Variants in DPP4 observed in about 807,000 individuals in gnomAD.
DPP4 encodes ADCP-2.
In DPP4, 93 loss-of-function variants were observed where a neutral mutation model predicts 122.4. The observed-to-expected ratio is 0.76, with a 90% confidence interval of 0.64 to 0.90. DPP4 has a LOEUF of 0.90. Ranked by LOEUF, DPP4 falls within the 40% of genes least tolerant of loss-of-function variation. DPP4 has a pLI of 0.00. For synonymous variants in DPP4, 321 were observed against 302.9 expected (o/e 1.06, Z -0.62); for missense variants, 914 against 907.3 (o/e 1.01, Z -0.09).
At chr2:162,041,995 G>A (rs919483084) in intron 5 of DPP4, among the ~76,000 whole-genome samples, 1 of 152,176 alleles carries the variant, frequency 6.6e-6, no homozygotes, top group Non-Finnish European at 1.5e-5. Flanking sequence ...GGGAGGCAGA[G>A]AGGATTATGG....
At chr2:162,068,662 A>G (rs1685023782) in intron 2 of DPP4, among the ~76,000 whole-genome samples, 1 of 152,200 alleles carries the variant, frequency 6.6e-6, no homozygotes, top group Non-Finnish European at 1.5e-5. Context: ...ATTCTAAGGG[A>G]AAGTAGCTAC....
chr2:162,047,436 T>C lies in DPP4; in HGVS notation c.160A>G (p.Arg54Gly). ...CATCTTAAGGAGTATAACTTCAGTCTATAAGTATTTTTTAAGTAATCAGTT... is the reference window on the plus strand; with the variant it reads ...CATCTTAAGGAGTATAACTTCAGTCCATAAGTATTTTTTAAGTAATCAGTT... ...TLTDYLKNTY[R>G]LKLYSLRWIS... Residue 54 changes from arginine to glycine, a missense_variant, in exon 3 of 26, where the codon AGA becomes GGA. By Grantham distance (125) the Arg-to-Gly change is moderately radical (BLOSUM62 -2). Coordinates refer to ENST00000360534, the MANE Select transcript of DPP4 (RefSeq NM_001935.4). 3.8e-6 allele frequency: 6 copies of C among 1,583,822 alleles called. No homozygotes were observed. Among genetic ancestry groups the C allele is most frequent in the Non-Finnish European group, 4.3e-6 (5 of 1,159,262 alleles).
intron 10 of DPP4, 35 bp downstream of exon 10, chr2:162,033,506 G>C (rs1024819629): frequency 1.3e-6 from 2 of 1,544,254 alleles, no homozygotes; most frequent in Non-Finnish European, 1.8e-6. Flanking sequence ...GTGTAAAACT[G>C]TTTACAAGCC....
intron 22 of DPP4, 110 bp downstream of exon 22, chr2:162,008,452 C>T (rs1701338705): frequency 2.4e-6 from 2 of 850,266 alleles, no homozygotes; most frequent in Non-Finnish European, 1.9e-6. Flanking sequence ...TAAGATGAAT[C>T]AGCCTATTAT....
At chr2:162,048,378 A>C (rs769337825) in intron 2 of DPP4, among the ~76,000 whole-genome samples, 1 of 151,988 alleles carries the variant, frequency 6.6e-6, no homozygotes, top group Non-Finnish European at 1.5e-5. Context: ...CCTCCTCTGC[A>C]CCACCACTAG....
rs544094132 is a variant in DPP4, at chr2:162,010,610, A to C, written c.1832+1183T>G. On this transcript the variant is annotated intron_variant, in intron 20 of 25. Transcript: ENST00000360534. The stretch of plus-strand genomic sequence containing the variant: ...TTAGGACTTTTGTTGGTCAGATTTG[A>C]GAGACCCTGGAAACTATGCCCTCTC... Among the ~76,000 whole-genome samples, 445 of 152,278 alleles carry C rather than the reference A, an allele frequency of 2.9e-3. 1 individual carries two copies. The highest frequency in any genetic ancestry group is 0.01 in the African/African-American group (426 of 41,562).
At chr2:162,061,249 T>C (rs1576072837) in intron 2 of DPP4, among the ~76,000 whole-genome samples, 2 of 152,286 alleles carry the variant, frequency 1.3e-5, no homozygotes, top group South Asian at 4.1e-4. Context: ...GCTCTGTGGT[T>C]AAGGATGCAG....
chr2:162,028,737 T>A (rs1325726522), intron 10 of DPP4, among the ~76,000 whole-genome samples: 2 of 152,132 alleles, frequency 1.3e-5, no homozygotes, highest in South Asian at 2.1e-4. Context: ...CCATGTGGAG[T>A]CTACTATGTG....
chr2:162,033,559 G>A lies in DPP4; in HGVS notation c.869C>T (p.Pro290Leu), dbSNP rs1284790925. ...GTCTTACCCTATCAACATAGAAGCA[G>A]GAGCAGTGATTTGTATGGAAGTTGC... ...TNATSIQITA[P>L]ASMLIGDHYL... The change falls in exon 10 of 26, where the codon CCT (proline) becomes CTT (leucine). Residue 290 changes from proline to leucine, a missense_variant. Coordinates refer to ENST00000360534, the MANE Select transcript of DPP4 (RefSeq NM_001935.4). 2 of 1,612,568 alleles carry A rather than the reference G, an allele frequency of 1.2e-6. No individual in the cohort carries two copies. The highest frequency in any genetic ancestry group is 4.5e-5 in the East Asian group (2 of 44,726).
At chr2:162,067,881 T>C (rs772905642) in intron 2 of DPP4, among the ~76,000 whole-genome samples, 2 of 152,202 alleles carry the variant, frequency 1.3e-5, no homozygotes, top group Non-Finnish European at 2.9e-5. Context: ...TTCTATAAAT[T>C]AGCCATTCAT....
chr2:162,064,464 G>C (rs1377951541), intron 2 of DPP4, among the ~76,000 whole-genome samples: 5 of 152,064 alleles, frequency 3.3e-5, no homozygotes, highest in Non-Finnish European at 7.4e-5. Context: ...GTTTGCTTTT[G>C]TTATTTACTA....
chr2:162,064,316 T>C (rs1684883545), intron 2 of DPP4, among the ~76,000 whole-genome samples: 2 of 152,148 alleles, frequency 1.3e-5, no homozygotes, highest in South Asian at 4.1e-4. Context: ...GCCAAACCCT[T>C]TTCATTTTAA....
intron 9 of DPP4, among the ~76,000 whole-genome samples, chr2:162,034,527 T>C (rs1286707464): frequency 6.6e-6 from 1 of 152,184 alleles, no homozygotes; most frequent in Non-Finnish European, 1.5e-5. Flanking sequence ...CTGCAGACAA[T>C]ACTGTAGCCA....
At chr2:162,037,544 GA>G (rs1311180560) in intron 8 of DPP4, among the ~76,000 whole-genome samples, 5 of 151,994 alleles carry the variant, frequency 3.3e-5, no homozygotes, top group East Asian at 1.9e-4. Context: ...CTACAAAGAA[GA>G]AAAAAATAAT....
At chr2:162,030,789 A>G (rs1252355219) in intron 10 of DPP4, among the ~76,000 whole-genome samples, 2 of 152,224 alleles carry the variant, frequency 1.3e-5, no homozygotes, top group Non-Finnish European at 2.9e-5. Flanking sequence ...AAACTCCCTA[A>G]AAAACACATT....
chr2:162,033,725 C>T, intron 9 of DPP4, 72 bp from the exon 10 acceptor site: 1 of 1,027,412 alleles, frequency 9.7e-7, no homozygotes. Flanking sequence ...CATTTTAAAA[C>T]TGCACAAAAA....
chr2:162,041,848 G>A (rs757275178), intron 5 of DPP4, among the ~76,000 whole-genome samples: 32 of 152,122 alleles, frequency 2.1e-4, no homozygotes, highest in Non-Finnish European at 3.5e-4. Context: ...GGATAACACA[G>A]AGTCCCTCCC....
At chr2:162,046,778 A>G (rs761376577) in intron 4 of DPP4, 137 bp downstream of exon 4, 2 of 709,806 alleles carry the variant, frequency 2.8e-6, no homozygotes, top group Non-Finnish European at 5.2e-6. Context: ...CATTTCAAGA[A>G]GGAGAGAAAG....
rs202045215 is a variant in DPP4 at position 162,014,350 on chromosome 2, A to G, written c.1637+46T>C. On this transcript the variant is annotated intron_variant, in intron 19 of 25. Coordinates refer to ENST00000360534, the MANE Select transcript of DPP4 (RefSeq NM_001935.4). ...CAGTAAGCTGCACTGAGAAAAATATATATGACTCAATACTTCTAAATTGCT... is the reference window on the plus strand; with the variant it reads ...CAGTAAGCTGCACTGAGAAAAATATGTATGACTCAATACTTCTAAATTGCT... 17 of 1,499,170 alleles carry G rather than the reference A, an allele frequency of 1.1e-5. No homozygotes were observed. The Admixed American group carries it at 2.1e-4, about 19-fold the overall frequency. The allele number at this position is 1,499,170 out of a possible 1,614,324, so 92.9% of individuals were successfully genotyped here. A position where few individuals can be genotyped will look rare whatever the true frequency, so the allele number is the denominator to read the frequency against.
Sources: allele counts gnomAD v4.1 joint callset (sites outside exome capture counted in the v4.1 genomes callset), GRCh38; gene constraint gnomAD v4.1.1; transcripts MANE v1.5; gene names NCBI Gene and HGNC (gene_info 2026-07-23, HGNC 2026-07-21).